Variants in SHISA5 observed in about 807,000 individuals in gnomAD.
The protein encoded by SHISA5 is shisa family member 5, also known as protein shisa-5.
SHISA5 carries 21 observed loss-of-function variants against 27.5 expected under a neutral mutation model. The ratio of observed to expected loss-of-function variants is 0.76; its 90% confidence interval spans 0.54 to 1.10. SHISA5 has a LOEUF of 1.10. SHISA5 is among the 50% of genes least tolerant of loss of function. The pLI is 0.00. For missense variants in SHISA5, 314 were observed against 336.3 expected (o/e 0.93, Z 0.52); for synonymous variants, 137 against 142.2 (o/e 0.96, Z 0.26).
At chr3:48,498,034 C>T (rs1346889805) in intron 2 of SHISA5, among the ~76,000 whole-genome samples, 9 of 152,128 alleles carry the variant, frequency 5.9e-5, no homozygotes, top group Admixed American at 3.9e-4. Flanking sequence ...TCAACCTAAG[C>T]TCTATACTCA....
intron 1 of SHISA5, chr3:48,503,718 T>C: frequency 1.7e-6 from 2 of 1,194,012 alleles, no homozygotes; most frequent in South Asian, 6.9e-5. Flanking sequence ...CAGGGAACCC[T>C]ACCCTAGCCT....
chr3:48,502,193 C>G (rs1307957017), intron 1 of SHISA5: 14 of 336,840 alleles, frequency 4.2e-5, no homozygotes, highest in Non-Finnish European at 7.2e-5. Context: ...CTCGTTCACT[C>G]TCTCCCTCAC....
At chr3:48,503,051 A>G in intron 1 of SHISA5, 1 of 1,229,820 alleles carries the variant, frequency 8.1e-7, no homozygotes, top group Non-Finnish European at 1.1e-6. Flanking sequence ...GCCATGGAGC[A>G]GAGGATTGGA....
At position 48,469,182 on chromosome 3, in the gene SHISA5, T is replaced by A. The variant is rs2040491716; in HGVS notation, c.648A>T (p.Gly216=). Residue 216 remains glycine (G), a synonymous_variant, in exon 6 of 6, where the codon GGA becomes GGT. Coordinates refer to ENST00000296444, the MANE Select transcript of SHISA5 (RefSeq NM_016479.6). This position sits in a 1 kb window ranked among gnomAD's most constrained non-coding sequence, Gnocchi z 4.6. The stretch of plus-strand genomic sequence containing the variant: ...GGCTGGCGGGGTAGGGCGCGGCTGC[T>A]CCTCCTGAAAGCAGAGAGGACCCTG... The part of the protein sequence containing the change: ...PPAYHETLAG[G]AAAPYPASQP... 2.5e-6 allele frequency: 4 copies of A among 1,611,942 alleles called. No homozygotes were observed. The highest frequency in any genetic ancestry group is 1.3e-5 in the African/African-American group (1 of 74,988).
At chr3:48,483,261 G>C (rs2041082944) in intron 2 of SHISA5, among the ~76,000 whole-genome samples, 1 of 151,970 alleles carries the variant, frequency 6.6e-6, no homozygotes, top group South Asian at 2.1e-4. Flanking sequence ...GTGTCCCTGG[G>C]TACTTGAGAT....
chr3:48,495,170 G>A (rs1332200179), intron 2 of SHISA5, among the ~76,000 whole-genome samples: 1 of 146,060 alleles, frequency 6.8e-6, no homozygotes, highest in Non-Finnish European at 1.5e-5. Flanking sequence ...GAGCAAACTG[G>A]AACCCTCACA....
intron 2 of SHISA5, among the ~76,000 whole-genome samples, chr3:48,481,161 C>G (rs114196152): frequency 0.017 from 2,663 of 152,172 alleles, 70 homozygotes; most frequent in African/African-American, 0.057. Context: ...TCAAGATGAG[C>G]TGGGCGTGGT....
chr3:48,472,908 C>CA lies in SHISA5; in HGVS notation c.315-3066dup, dbSNP rs1245933214. 79 of 1,184,358 alleles carry CA rather than the reference C, an allele frequency of 6.7e-5. 1 individual carries two copies. The highest frequency in any genetic ancestry group is 8.7e-5 in the Non-Finnish European group (72 of 828,204). 73.4% of individuals were successfully genotyped at this position (1,184,358 alleles called of 1,614,324 possible). A position where few individuals can be genotyped will look rare whatever the true frequency, so the allele number is the denominator to read the frequency against. On this transcript the variant is annotated intron_variant, in intron 3 of 5. Coordinates refer to ENST00000296444, the MANE Select transcript of SHISA5 (RefSeq NM_016479.6). ...GAATGGAGAAACGCACACACATTCA[C>CA]ACGCCATCAATGACATGCGACCGCA...
chr3:48,484,456 C>T lies in SHISA5; in HGVS notation c.234-5199G>A, dbSNP rs181692599. 9.4e-3 allele frequency among the ~76,000 whole-genome samples: 1,419 copies of T among 151,506 alleles called. 14 individuals are homozygous for T. The highest frequency in any genetic ancestry group is 0.033 in the African/African-American group (1,358 of 41,208). On this transcript the variant is annotated intron_variant, in intron 2 of 5. Transcript: ENST00000296444. Reference sequence around the variant, plus strand: ...ACTAAAAATACAAAAATTAGCGGGGCGTGGTGGCACCTGCCTGTAATTCCA... The same window carrying T: ...ACTAAAAATACAAAAATTAGCGGGGTGTGGTGGCACCTGCCTGTAATTCCA...
At chr3:48,479,069 C>G in intron 3 of SHISA5, 108 bp downstream of exon 3, 1 of 989,178 alleles carries the variant, frequency 1.0e-6, no homozygotes, top group Non-Finnish European at 1.5e-6. Context: ...TTCTTGGGCT[C>G]CACCCCAATG....
rs200561481 is a variant in SHISA5, at chr3:48,479,162, G to A, written c.314+15C>T. The A allele has an allele frequency of 1.3e-5, 21 of 1,599,576 alleles. No homozygotes were observed. The Admixed American group carries it at 3.0e-4, about 23-fold the overall frequency. On this transcript the variant is annotated intron_variant, in intron 3 of 5. Transcript: ENST00000296444. ...TTTGCCAGGAAGATGCACCCAGCCA[G>A]CAGGCTTTACTTACCCTGACATGGG...
chr3:48,486,576 T>A (rs2041254421), intron 2 of SHISA5, among the ~76,000 whole-genome samples: 1 of 128,520 alleles, frequency 7.8e-6, no homozygotes, highest in Non-Finnish European at 1.6e-5. Context: ...AGATTTTATA[T>A]ATTATATATT....
At chr3:48,484,382 G>A (rs368709974) in intron 2 of SHISA5, among the ~76,000 whole-genome samples, 26 of 152,296 alleles carry the variant, frequency 1.7e-4, no homozygotes, top group African/African-American at 6.3e-4. Context: ...GATCACCTAA[G>A]ATCAGGAGTT....
chr3:48,502,882 C>CG (rs1486779348), intron 1 of SHISA5, among the ~76,000 whole-genome samples: 3 of 152,192 alleles, frequency 2.0e-5, no homozygotes, highest in Non-Finnish European at 4.4e-5. Flanking sequence ...ATCTGGTGCC[C>CG]GGGCCTGATC....
chr3:48,498,689 G>GAAAAA (rs11294310), intron 2 of SHISA5, among the ~76,000 whole-genome samples: 58 of 80,448 alleles, frequency 7.2e-4, no homozygotes, highest in Non-Finnish European at 1.2e-3. Flanking sequence ...TCTCCAGAAA[G>GAAAAA]AAAAAAAAAA....
At chr3:48,476,927 G>A in intron 3 of SHISA5, 1 of 365,726 alleles carries the variant, frequency 2.7e-6, no homozygotes, top group South Asian at 2.0e-5. Context: ...GCGGCAGCTG[G>A]GCTAACAGAA....
chr3:48,473,053 T>C lies in SHISA5; in HGVS notation c.315-3210A>G. 3 of 1,530,936 alleles carry C rather than the reference T, an allele frequency of 2.0e-6. 1 individual carries two copies. Among genetic ancestry groups the C allele is most frequent in the South Asian group, 2.4e-5 (2 of 83,548 alleles). 94.8% of individuals were successfully genotyped at this position (1,530,936 alleles called of 1,614,324 possible). A position where few individuals can be genotyped will look rare whatever the true frequency, so the allele number is the denominator to read the frequency against. The stretch of plus-strand genomic sequence containing the variant: ...TTCACCCAGAGGCCTCCTGTACCCC[T>C]GGGCTTTCCCCTCTTCCCATCGTGG... On this transcript the variant is annotated intron_variant, in intron 3 of 5. Transcript: ENST00000296444. The surrounding 1 kb of genome is among the most constrained non-coding windows in gnomAD (Gnocchi z 4.3).
intron 3 of SHISA5, among the ~76,000 whole-genome samples, chr3:48,471,185 A>C (rs1317271964): frequency 6.6e-6 from 1 of 151,930 alleles, no homozygotes; most frequent in Non-Finnish European, 1.5e-5. Flanking sequence ...GCACTACCAC[A>C]TTTATTTTTG....
At chr3:48,486,803 G>C (rs1266325750) in intron 2 of SHISA5, among the ~76,000 whole-genome samples, 1 of 149,740 alleles carries the variant, frequency 6.7e-6, no homozygotes, top group East Asian at 1.9e-4. Flanking sequence ...TCCCTGCAAT[G>C]CCTGTACTCG....
Sources: allele counts gnomAD v4.1 joint callset (sites outside exome capture counted in the v4.1 genomes callset), GRCh38; gene constraint gnomAD v4.1.1; non-coding constraint Gnocchi (gnomAD v3.1); transcripts MANE v1.5; gene names NCBI Gene and HGNC (gene_info 2026-07-23, HGNC 2026-07-21).